The following HSF2BP variants were observed in gnomAD, a reference collection of about 807,000 sequenced individuals.
HSF2BP encodes heat shock transcription factor 2 binding protein.
In HSF2BP, 35 loss-of-function variants were observed where a neutral mutation model predicts 35.0. The ratio of observed to expected loss-of-function variants is 1.00; its 90% confidence interval spans 0.76 to 1.32. HSF2BP has a LOEUF of 1.32. Among genes scored for constraint, HSF2BP ranks in the 40% most tolerant of loss-of-function variants. HSF2BP has a pLI of 0.00. For synonymous variants in HSF2BP, 114 were observed against 117.4 expected, an observed-to-expected ratio of 0.97 and a Z score of 0.18; for missense variants, 326 against 321.7, an observed-to-expected ratio of 1.01 and a Z score of -0.10.
chr21:43,645,111 G>A (rs1219370495), intron 3 of HSF2BP, among the ~76,000 whole-genome samples: 1 of 152,184 alleles, frequency 6.6e-6, no homozygotes, highest in Non-Finnish European at 1.5e-5. Context: ...TTAAGTGTTT[G>A]ATCTCAAAAG....
intron 3 of HSF2BP, among the ~76,000 whole-genome samples, chr21:43,648,046 G>A (rs886094204): frequency 6.6e-6 from 1 of 151,850 alleles, no homozygotes; most frequent in Non-Finnish European, 1.5e-5. Flanking sequence ...ACACATATAT[G>A]ACATGAACAG....
intron 8 of HSF2BP, among the ~76,000 whole-genome samples, chr21:43,591,133 A>G (rs1412142170): frequency 6.6e-6 from 1 of 152,224 alleles, no homozygotes; most frequent in Non-Finnish European, 1.5e-5. Flanking sequence ...ACATGGGTGA[A>G]ATGTATACTC....
chr21:43,621,779 GA>G (rs1340114485), intron 6 of HSF2BP, among the ~76,000 whole-genome samples: 2 of 151,306 alleles, frequency 1.3e-5, no homozygotes, highest in African/African-American at 2.4e-5. Flanking sequence ...CATGCAGAAA[GA>G]AAAAAATTGA....
chr21:43,615,130 G>A (rs1463174311), intron 6 of HSF2BP, among the ~76,000 whole-genome samples: 2 of 152,184 alleles, frequency 1.3e-5, no homozygotes, highest in African/African-American at 2.4e-5. Flanking sequence ...TTTGTTAAGA[G>A]TTTTCTTTAG....
chr21:43,649,453 C>G (rs2082753420), intron 3 of HSF2BP, among the ~76,000 whole-genome samples: 1 of 151,930 alleles, frequency 6.6e-6, no homozygotes, highest in South Asian at 2.1e-4. Context: ...AAAGAAAAAT[C>G]TGTTGGTCAA....
chr21:43,584,270 T>C (rs2146738242), intron 8 of HSF2BP, among the ~76,000 whole-genome samples: 1 of 152,232 alleles, frequency 6.6e-6, no homozygotes, highest in South Asian at 2.1e-4. Context: ...CTGCAGTCCA[T>C]GCACTGGAGA....
At chr21:43,648,099 C>T (rs151104905) in intron 3 of HSF2BP, among the ~76,000 whole-genome samples, 21 of 152,262 alleles carry the variant, frequency 1.4e-4, no homozygotes, top group East Asian at 3.9e-4. Context: ...ACACCTCTTC[C>T]GCCTCCATCT....
chr21:43,585,399 C>T (rs1369477084), intron 8 of HSF2BP, among the ~76,000 whole-genome samples: 1 of 152,112 alleles, frequency 6.6e-6, no homozygotes, highest in African/African-American at 2.4e-5. Context: ...CCATCATACC[C>T]CTGGCTCCCA....
At chr21:43,618,319 C>T (rs1331208530) in intron 6 of HSF2BP, among the ~76,000 whole-genome samples, 2 of 151,836 alleles carry the variant, frequency 1.3e-5, no homozygotes, top group Non-Finnish European at 2.9e-5. Context: ...AGAGTTGAGA[C>T]GTACTATGTC....
At chr21:43,586,757 T>C (rs1423322331) in intron 8 of HSF2BP, among the ~76,000 whole-genome samples, 1 of 152,048 alleles carries the variant, frequency 6.6e-6, no homozygotes, top group Non-Finnish European at 1.5e-5. Context: ...TTGATAAAAG[T>C]AGGAACTGAT....
At chr21:43,650,141 T>C (rs1287178913) in intron 3 of HSF2BP, among the ~76,000 whole-genome samples, 1 of 152,230 alleles carries the variant, frequency 6.6e-6, no homozygotes, top group Non-Finnish European at 1.5e-5. Flanking sequence ...TAAAACTTAA[T>C]TTTAAAAACA....
chr21:43,593,047 T>C (rs1013712111), intron 7 of HSF2BP, among the ~76,000 whole-genome samples: 14 of 152,076 alleles, frequency 9.2e-5, no homozygotes, highest in African/African-American at 3.1e-4. Context: ...ATGAATGAAT[T>C]TGCAAGAAAT....
intron 7 of HSF2BP, among the ~76,000 whole-genome samples, chr21:43,608,303 ACTT>A (rs1264744521): frequency 6.6e-6 from 1 of 152,206 alleles, no homozygotes; most frequent in African/African-American, 2.4e-5. Context: ...AAGAACAGAC[ACTT>A]CTTAAAAGAA....
intron 6 of HSF2BP, among the ~76,000 whole-genome samples, chr21:43,617,031 C>G (rs2082279991): frequency 6.6e-6 from 1 of 152,220 alleles, no homozygotes; most frequent in Admixed American, 6.5e-5. Flanking sequence ...CCCCACTAGC[C>G]CCCAGCTGTT....
At position 43,658,060 on chromosome 21, in the gene HSF2BP, C is replaced by T. The variant is rs973566797; in HGVS notation, c.36+1G>A. 10 of 1,535,710 alleles carry T rather than the reference C, an allele frequency of 6.5e-6. No individual in the cohort carries two copies. The African/African-American group carries it at 1.1e-4, about 17-fold the overall frequency. On this transcript the variant is annotated splice_donor_variant, in intron 2 of 8. Coordinates refer to ENST00000291560, the MANE Select transcript of HSF2BP (RefSeq NM_007031.2). LOFTEE classifies it high-confidence loss of function. ...GCGTCGGCCAGGGCTTCCTCACTAACCCGGCAGGCCTCCTCAGCGGCGCCC... is the reference window on the plus strand; with the variant it reads ...GCGTCGGCCAGGGCTTCCTCACTAATCCGGCAGGCCTCCTCAGCGGCGCCC...
In HSF2BP at chr21:43,592,286, T is replaced by C; in HGVS notation, c.735A>G (p.Lys245=). ...GACTCTCGCTGATGTATTTCAAGCC[T>C]TTCAAATTGATGCTTACATTGTATA... is the stretch of plus-strand genomic sequence containing the variant. ...MSLYNVSINL[K]GLKYISESPG... Residue 245 remains lysine, a synonymous_variant, in exon 8 of 9, where the codon AAA becomes AAG. Transcript: ENST00000291560. The C allele has an allele frequency of 6.2e-7, 1 of 1,613,888 alleles. No individual in the cohort carries two copies.
At chr21:43,650,612 A>G (rs2082771242) in intron 3 of HSF2BP, among the ~76,000 whole-genome samples, 1 of 152,106 alleles carries the variant, frequency 6.6e-6, no homozygotes, top group Non-Finnish European at 1.5e-5. Context: ...AGAAGGGATG[A>G]AAGAAAACAG....
At chr21:43,625,438 GACT>G (rs2082378049) in intron 6 of HSF2BP, among the ~76,000 whole-genome samples, 1 of 152,130 alleles carries the variant, frequency 6.6e-6, no homozygotes, top group Non-Finnish European at 1.5e-5. Context: ...TGGAGAACTG[GACT>G]ACAGAAGGAT....
chr21:43,589,295 AGGAG>A (rs1272981444), intron 8 of HSF2BP, among the ~76,000 whole-genome samples: 3 of 152,206 alleles, frequency 2.0e-5, no homozygotes, highest in African/African-American at 7.2e-5. Flanking sequence ...CCAGAAACAA[AGGAG>A]GTCAGTTCCT....
Sources: gnomAD v4.1 joint callset for allele counts (sites outside exome capture counted in the v4.1 genomes callset) on GRCh38, gnomAD v4.1.1 for gene constraint, MANE v1.5 for transcripts, NCBI Gene and HGNC (gene_info 2026-07-23, HGNC 2026-07-21) for gene names.